PHACTR4: variants seen among roughly 807,000 people sequenced by gnomAD.
PHACTR4 encodes protein phosphatase 1, regulatory subunit 124.
In PHACTR4, 51 loss-of-function variants were observed where a neutral mutation model predicts 72.7. The observed-to-expected ratio is 0.70, with a 90% confidence interval of 0.56 to 0.89. The LOEUF (loss-of-function observed/expected upper bound fraction) is 0.89. Among genes scored for constraint, PHACTR4 ranks in the 40% least tolerant of loss-of-function variants. PHACTR4 has a pLI of 0.00. For missense variants in PHACTR4, 731 were observed against 861.8 expected (o/e 0.85, Z 1.90); for synonymous variants, 255 against 302.5 (o/e 0.84, Z 1.63).
At chr1:28,383,443 T>C (rs1160625291) in intron 1 of PHACTR4, among the ~76,000 whole-genome samples, 1 of 152,190 alleles carries the variant, frequency 6.6e-6, no homozygotes, top group African/African-American at 2.4e-5. Context: ...CTTAGAGCAG[T>C]GCGGCCCTTT....
intron 1 of PHACTR4, among the ~76,000 whole-genome samples, chr1:28,385,426 C>T (rs912876842): frequency 6.6e-6 from 1 of 151,440 alleles, no homozygotes; most frequent in African/African-American, 2.4e-5. Flanking sequence ...TGCCTATAGT[C>T]CTGGCTTCTT....
intron 1 of PHACTR4, among the ~76,000 whole-genome samples, chr1:28,370,211 A>G (rs1390628604): frequency 6.6e-6 from 1 of 152,122 alleles, no homozygotes; most frequent in Non-Finnish European, 1.5e-5. Context: ...CGGTTACAGT[A>G]ACCGGATCGG....
In PHACTR4 at chr1:28,490,986, G is replaced by A. The variant is rs1661003243; in HGVS notation, c.1852G>A (p.Glu618Lys). 2.5e-6 allele frequency: 4 copies of A among 1,614,044 alleles called. No individual in the cohort carries two copies. The highest frequency in any genetic ancestry group is 3.4e-6 in the Non-Finnish European group (4 of 1,179,954). Residue 618 changes from glutamate to lysine, a missense_variant, in exon 11 of 14, where the codon GAA becomes AAA. By Grantham distance (56) the Glu-to-Lys change is moderately conservative. This residue lies in a region of PHACTR4 where 110 missense variants were observed against 185.2 expected (regional missense o/e 0.59). Coordinates refer to ENST00000373839, the MANE Select transcript of PHACTR4 (RefSeq NM_001048183.3). The part of the protein sequence containing the change: ...NEADRQAEKR[E>K]IKRRLTRKLS... ...AGCTGATCGTCAGGCAGAAAAACGA[G>A]AAATTAAACGTCGGCTCACTAGAAA...
At chr1:28,373,347 A>G (rs917564023) in intron 1 of PHACTR4, among the ~76,000 whole-genome samples, 3 of 152,012 alleles carry the variant, frequency 2.0e-5, no homozygotes, top group Admixed American at 6.6e-5. Flanking sequence ...CTGAAGTGCA[A>G]TGGCACGATC....
chr1:28,378,859 G>A (rs1281620713), intron 1 of PHACTR4, among the ~76,000 whole-genome samples: 3 of 152,122 alleles, frequency 2.0e-5, no homozygotes, highest in Non-Finnish European at 4.4e-5. Flanking sequence ...GGAAGTGGTG[G>A]ACATGGAAGG....
chr1:28,427,339 A>C (rs568126231), intron 2 of PHACTR4, among the ~76,000 whole-genome samples: 1 of 152,170 alleles, frequency 6.6e-6, no homozygotes, highest in African/African-American at 2.4e-5. Flanking sequence ...CAGCCTGGCC[A>C]ACATGGTGAA....
intron 9 of PHACTR4, among the ~76,000 whole-genome samples, chr1:28,481,048 T>C (rs1298781238): frequency 2.0e-5 from 3 of 150,222 alleles, no homozygotes. Flanking sequence ...TTTTTTTCTT[T>C]TCAGACAGAG....
At chr1:28,431,222 G>A (rs1656244261) in intron 2 of PHACTR4, among the ~76,000 whole-genome samples, 1 of 129,834 alleles carries the variant, frequency 7.7e-6, no homozygotes, top group Non-Finnish European at 1.6e-5. Flanking sequence ...TATAAACATG[G>A]GGCTGGGTGC....
At chr1:28,493,607 G>A (rs1297434949) in intron 13 of PHACTR4, among the ~76,000 whole-genome samples, 3 of 151,562 alleles carry the variant, frequency 2.0e-5, no homozygotes, top group Non-Finnish European at 2.9e-5. Flanking sequence ...TTTAATCCTT[G>A]TAATAAACAT....
In PHACTR4 at chr1:28,491,688, G is replaced by A; in HGVS notation, c.1917G>A (p.Arg639=). The A allele has an allele frequency of 6.2e-7, 1 of 1,614,078 alleles. No homozygotes were observed. Among genetic ancestry groups the A allele is most frequent in the Non-Finnish European group, 8.5e-7 (1 of 1,179,976 alleles). The change falls in exon 12 of 14, where the codon AGG becomes AGA. Residue 639 remains arginine, a synonymous_variant. Transcript: ENST00000373839. ...QRPTVAELLA[R]KILRFNEYVE... ...CAACTGTCGCTGAACTCCTTGCCAG[G>A]AAGATTCTGAGGTTTAATGAATATG...
Position 28,473,827 on chromosome 1 carries a change from T to C in PHACTR4, c.1097T>C (p.Phe366Ser). ...PRTPPFPAKT[F>S]QVVPEIEFPP... ...ACCCCTCCATTCCCTGCTAAGACTT[T>C]TCAAGTTGTGCCAGAAATTGAGTTT... Residue 366 changes from phenylalanine to serine, a missense_variant, in exon 7 of 14, where the codon TTT (phenylalanine) becomes TCT (serine). Physicochemically the swap from Phe to Ser is radical, Grantham distance 155 (BLOSUM62 -2). Coordinates refer to ENST00000373839, the MANE Select transcript of PHACTR4 (RefSeq NM_001048183.3). 6.2e-7 allele frequency: 1 copy of C among 1,614,018 alleles called. No individual in the cohort carries two copies. Among genetic ancestry groups the C allele is most frequent in the Non-Finnish European group, 8.5e-7 (1 of 1,180,004 alleles).
Position 28,473,693 on chromosome 1 carries a change from T to C in PHACTR4, c.963T>C (p.Asp321=). The C allele has an allele frequency of 1.2e-6, 2 of 1,614,096 alleles. No homozygotes were observed. The highest frequency in any genetic ancestry group is 1.7e-6 in the Non-Finnish European group (2 of 1,180,022). The change falls in exon 7 of 14, where the codon GAT becomes GAC. Residue 321 remains aspartate (D), a synonymous_variant. Coordinates refer to ENST00000373839, the MANE Select transcript of PHACTR4 (RefSeq NM_001048183.3). The part of the protein sequence containing the change: ...AAAITTKTPS[D]EREKSTCSMG... Reference sequence around the variant, plus strand: ...CCATCACCACAAAAACACCAAGTGATGAAAGAGAGAAGAGCACGTGTTCTA... The same window carrying C: ...CCATCACCACAAAAACACCAAGTGACGAAAGAGAGAAGAGCACGTGTTCTA...
chr1:28,378,831 G>C (rs1350068221), intron 1 of PHACTR4, among the ~76,000 whole-genome samples: 1 of 152,052 alleles, frequency 6.6e-6, no homozygotes, highest in Non-Finnish European at 1.5e-5. Flanking sequence ...GAAATAAAGG[G>C]TGAGAGAAGA....
intron 2 of PHACTR4, among the ~76,000 whole-genome samples, chr1:28,442,749 G>T (rs568011485): frequency 1.3e-4 from 19 of 151,892 alleles, no homozygotes; most frequent in African/African-American, 4.6e-4. Context: ...CAAGTGATCC[G>T]CCTGCCTTGG....
intron 2 of PHACTR4, among the ~76,000 whole-genome samples, chr1:28,422,952 A>T (rs1424706943): frequency 6.6e-6 from 1 of 152,126 alleles, no homozygotes; most frequent in Non-Finnish European, 1.5e-5. Context: ...GCGCCCAGCT[A>T]ATGTTTTTGT....
chr1:28,489,640 TG>T lies in PHACTR4; in HGVS notation c.1816+417del. On this transcript the variant is annotated intron_variant, in intron 10 of 13. Transcript: ENST00000373839. ...GTCCCAAATGCAGCAGCTTTTCTCT[TG>T]GTTTAATCCCTTAAGACTTTCTTAC... The T allele has an allele frequency of 1.6e-5, 6 of 364,912 alleles. 1 individual carries two copies. Among genetic ancestry groups the T allele is most frequent in the South Asian group, 1.1e-4 (5 of 47,170 alleles). 22.6% of individuals were successfully genotyped at this position (364,912 alleles called of 1,614,324 possible). A position where few individuals can be genotyped will look rare whatever the true frequency, so the allele number is the denominator to read the frequency against.
chr1:28,466,605 T>G lies in PHACTR4; in HGVS notation c.660T>G (p.Thr220=), dbSNP rs201894972. 1.4e-5 allele frequency: 22 copies of G among 1,614,032 alleles called. No homozygotes were observed. The South Asian group carries it at 2.4e-4, about 18-fold the overall frequency. The change falls in exon 6 of 14, where the codon ACT becomes ACG. Residue 220 remains threonine (T), a synonymous_variant. Coordinates refer to ENST00000373839, the MANE Select transcript of PHACTR4 (RefSeq NM_001048183.3). ...CTGCTGCCACAAGCCTTGCAAAGAC[T>G]GTTAATCTCTCTGTCACCCCTTCCC... ...ATTAATSLAK[T]VNLSVTPSPA... is the part of the protein sequence containing the mutation.
At chr1:28,488,618 C>T (rs1434068320) in intron 9 of PHACTR4, among the ~76,000 whole-genome samples, 1 of 151,414 alleles carries the variant, frequency 6.6e-6, no homozygotes, top group East Asian at 1.9e-4. Flanking sequence ...CAGAGTGAGA[C>T]CCTCATCTCT....
intron 2 of PHACTR4, among the ~76,000 whole-genome samples, chr1:28,416,899 A>G (rs985338295): frequency 1.3e-5 from 2 of 152,180 alleles, no homozygotes; most frequent in African/African-American, 4.8e-5. Flanking sequence ...ACCAAAGATT[A>G]GGTTTTATTT....
Sources: allele counts gnomAD v4.1 joint callset (sites outside exome capture counted in the v4.1 genomes callset), GRCh38; gene constraint gnomAD v4.1.1; regional missense constraint gnomAD v4.1.1; transcripts MANE v1.5; gene names NCBI Gene and HGNC (gene_info 2026-07-23, HGNC 2026-07-21).